Variants in SPATA16 observed in about 807,000 individuals in gnomAD.
SPATA16 encodes the protein spermatogenesis associated 16, also known as spermatogenesis-associated protein 16.
In SPATA16, 36 loss-of-function variants were observed where a neutral mutation model predicts 63.3. The ratio of observed to expected loss-of-function variants is 0.57; its 90% confidence interval spans 0.44 to 0.75. The LOEUF (loss-of-function observed/expected upper bound fraction) is 0.75, where lower values mean the gene tolerates loss of function less well. SPATA16 is among the 30% of genes least tolerant of loss of function. The probability of loss-of-function intolerance (pLI) is 0.00; values close to 1 mark genes in which losing one functional copy is unlikely to be tolerated. For synonymous variants in SPATA16, 203 were observed against 216.7 expected (o/e 0.94, Z 0.56); for missense variants, 646 against 679.3 (o/e 0.95, Z 0.54).
intron 1 of SPATA16, 39 bp from the exon 2 acceptor site, chr3:173,117,788 T>G (rs1737949723): frequency 7.4e-6 from 12 of 1,613,218 alleles, no homozygotes; most frequent in South Asian, 1.1e-5. Context: ...TAAGGCAATA[T>G]TTTGAATTCC....
At position 172,970,325 on chromosome 3, in the gene SPATA16, T is replaced by C. The variant is rs6779562; in HGVS notation, c.933+6643A>G. Among the ~76,000 whole-genome samples the C allele has an allele frequency of 3.6e-3, 552 of 152,304 alleles. 3 individuals carry two copies. The highest frequency in any genetic ancestry group is 0.013 in the African/African-American group (539 of 41,564). ...ATTTCTGTCAAATTTTCTCATTAGA[T>C]CTTACCTTTCCCTATATCTTATTCT... is the stretch of plus-strand genomic sequence containing the variant. On this transcript the variant is annotated intron_variant, in intron 5 of 10. Coordinates refer to ENST00000351008, the MANE Select transcript of SPATA16 (RefSeq NM_031955.6).
chr3:173,051,886 A>C (rs1577149596), intron 2 of SPATA16, among the ~76,000 whole-genome samples: 1 of 151,134 alleles, frequency 6.6e-6, no homozygotes. Context: ...ATCTCGACTC[A>C]CTGCAGCCTC....
chr3:172,934,952 A>G (rs1001168014), intron 6 of SPATA16, among the ~76,000 whole-genome samples: 1 of 152,142 alleles, frequency 6.6e-6, no homozygotes, highest in Non-Finnish European at 1.5e-5. Flanking sequence ...GTTTTTGACC[A>G]CTATTATTAT....
At chr3:173,057,238 A>C (rs1228001368) in intron 2 of SPATA16, among the ~76,000 whole-genome samples, 1 of 151,366 alleles carries the variant, frequency 6.6e-6, no homozygotes, top group Non-Finnish European at 1.5e-5. Flanking sequence ...CAGCCTCCTG[A>C]GTAGCTGGGA....
At chr3:172,953,247 T>C (rs531733217) in intron 6 of SPATA16, among the ~76,000 whole-genome samples, 1 of 152,234 alleles carries the variant, frequency 6.6e-6, no homozygotes, top group South Asian at 2.1e-4. Flanking sequence ...GCTGAATAAA[T>C]GAATAGATGA....
At chr3:172,976,878 T>C in intron 5 of SPATA16, 90 bp downstream of exon 5, 2 of 1,027,348 alleles carry the variant, frequency 1.9e-6, no homozygotes, top group Non-Finnish European at 3.0e-6. Context: ...CAGAGCTACC[T>C]TTTTCTTCAG....
chr3:172,975,347 G>A (rs1178910494), intron 5 of SPATA16, among the ~76,000 whole-genome samples: 3 of 152,074 alleles, frequency 2.0e-5, no homozygotes, highest in African/African-American at 4.8e-5. Flanking sequence ...AACAGGATAG[G>A]TACTCATATA....
intron 4 of SPATA16, among the ~76,000 whole-genome samples, chr3:173,002,539 C>G (rs1734849589): frequency 6.6e-6 from 1 of 152,126 alleles, no homozygotes; most frequent in Non-Finnish European, 1.5e-5. Context: ...GAATTCCTAA[C>G]CAGAACCTAC....
intron 6 of SPATA16, among the ~76,000 whole-genome samples, chr3:172,954,124 G>A (rs1251299531): frequency 6.6e-6 from 1 of 152,264 alleles, no homozygotes; most frequent in South Asian, 2.1e-4. Flanking sequence ...TTGTTCTCAC[G>A]GTGCTAATAA....
At chr3:172,944,950 T>G (rs1051315453) in intron 6 of SPATA16, among the ~76,000 whole-genome samples, 2 of 152,226 alleles carry the variant, frequency 1.3e-5, no homozygotes, top group Non-Finnish European at 2.9e-5. Flanking sequence ...GCTGCTGATC[T>G]GTACACTTAA....
At chr3:173,064,317 C>T (rs1577155828) in intron 2 of SPATA16, among the ~76,000 whole-genome samples, 1 of 74,260 alleles carries the variant, frequency 1.3e-5, no homozygotes, top group African/African-American at 1.1e-4. Context: ...CACACACGCA[C>T]ACCAAAAAAA....
At chr3:173,024,619 G>T (rs1735409707) in intron 3 of SPATA16, among the ~76,000 whole-genome samples, 1 of 150,582 alleles carries the variant, frequency 6.6e-6, no homozygotes, top group Admixed American at 6.6e-5. Flanking sequence ...TCCAGGATGA[G>T]AAATGAACAA....
chr3:172,967,946 A>G (rs1358891625), intron 5 of SPATA16, among the ~76,000 whole-genome samples: 3 of 152,196 alleles, frequency 2.0e-5, no homozygotes, highest in South Asian at 2.1e-4. Context: ...AAAGTGCACA[A>G]TAAGTGTTAT....
chr3:173,076,400 T>G (rs1736804290), intron 2 of SPATA16, among the ~76,000 whole-genome samples: 1 of 152,098 alleles, frequency 6.6e-6, no homozygotes, highest in African/African-American at 2.4e-5. Flanking sequence ...TATAAAATTT[T>G]TTTTTTTTAA....
intron 2 of SPATA16, among the ~76,000 whole-genome samples, chr3:173,113,925 A>G (rs1371718109): frequency 1.2e-4 from 18 of 152,130 alleles, no homozygotes. Context: ...CATGCCTGTA[A>G]TCCCAGCACT....
intron 1 of SPATA16, among the ~76,000 whole-genome samples, chr3:173,138,885 C>G (rs1351139568): frequency 6.6e-6 from 1 of 152,156 alleles, no homozygotes; most frequent in Non-Finnish European, 1.5e-5. Context: ...AATAGATGTA[C>G]ATAGGTGTAC....
At chr3:172,980,475 GCA>G (rs1734274530) in intron 4 of SPATA16, among the ~76,000 whole-genome samples, 1 of 152,116 alleles carries the variant, frequency 6.6e-6, no homozygotes, top group Non-Finnish European at 1.5e-5. Flanking sequence ...TGTTGTACCT[GCA>G]ATGGAGCTAT....
intron 2 of SPATA16, among the ~76,000 whole-genome samples, chr3:173,056,517 A>G (rs1291601951): frequency 6.6e-6 from 1 of 152,090 alleles, no homozygotes; most frequent in Non-Finnish European, 1.5e-5. Context: ...AGCTTGGCCA[A>G]CATAGTAAAA....
intron 10 of SPATA16, among the ~76,000 whole-genome samples, chr3:172,908,858 T>A (rs78724979): frequency 0.015 from 2,214 of 152,276 alleles, 73 homozygotes; most frequent in Admixed American, 0.068. Context: ...TAATTATTTT[T>A]TTTTCTGCAC....
Sources: allele counts gnomAD v4.1 joint callset (sites outside exome capture counted in the v4.1 genomes callset), GRCh38; gene constraint gnomAD v4.1.1; transcripts MANE v1.5; gene names NCBI Gene and HGNC (gene_info 2026-07-23, HGNC 2026-07-21).